Variants in SH3BP4 observed in about 807,000 individuals in gnomAD.
The protein encoded by SH3BP4 is SH3 domain binding protein 4.
Under a neutral mutation model 65.5 loss-of-function variants are expected in SH3BP4, and 33 were observed. The ratio of observed to expected loss-of-function variants is 0.50; its 90% confidence interval spans 0.38 to 0.67. The LOEUF is 0.67. Among genes scored for constraint, SH3BP4 ranks in the 30% least tolerant of loss-of-function variants. The pLI is 0.00. For synonymous variants in SH3BP4, 552 were observed against 545.5 expected (o/e 1.01, Z -0.17); for missense variants, 1,134 against 1,261.4 (o/e 0.90, Z 1.53).
At position 235,042,399 on chromosome 2, in the gene SH3BP4, A is replaced by G; in HGVS notation, c.1630A>G (p.Asn544Asp). ...GGATCTCAAGGTCTGTATGTTTTCC[A>G]ATATGACGAATTACGAGGTCAAAGC... is the stretch of plus-strand genomic sequence containing the variant. ...PQDLKVCMFS[N>D]MTNYEVKASE... Residue 544 changes from asparagine to aspartate, a missense_variant, in exon 4 of 6, where the codon AAT becomes GAT. Asn to Asp is a conservative substitution (Grantham distance 23). Transcript: ENST00000392011. The surrounding 1 kb of genome is among the most constrained non-coding windows in gnomAD (Gnocchi z 7.3). 1 of 1,614,114 alleles carries G rather than the reference A, an allele frequency of 6.2e-7. No homozygotes were observed. The highest frequency in any genetic ancestry group is 8.5e-7 in the Non-Finnish European group (1 of 1,180,022).
intron 1 of SH3BP4, among the ~76,000 whole-genome samples, chr2:234,986,387 A>C (rs1693560483): frequency 6.6e-6 from 1 of 152,210 alleles, no homozygotes. Flanking sequence ...AAACTCTTTC[A>C]AGACTCCGTC....
intron 4 of SH3BP4, among the ~76,000 whole-genome samples, chr2:235,049,518 G>A (rs890538779): frequency 1.3e-5 from 2 of 152,138 alleles, no homozygotes; most frequent in African/African-American, 4.8e-5. Flanking sequence ...GACCACAGAC[G>A]AGGCTGCCAC....
chr2:235,005,228 C>T (rs1348177311), intron 2 of SH3BP4, among the ~76,000 whole-genome samples: 5 of 152,196 alleles, frequency 3.3e-5, no homozygotes, highest in Admixed American at 2.0e-4. Flanking sequence ...GTCTGTCTGT[C>T]TGTCTGTCTG....
chr2:235,018,345 G>A (rs1456703496), intron 2 of SH3BP4, among the ~76,000 whole-genome samples: 2 of 152,084 alleles, frequency 1.3e-5, no homozygotes, highest in Admixed American at 1.3e-4. Context: ...TTAGTCTCGT[G>A]GGGTACGGGT....
chr2:235,012,967 C>T (rs1007684372), intron 2 of SH3BP4, among the ~76,000 whole-genome samples: 13 of 152,180 alleles, frequency 8.5e-5, no homozygotes, highest in African/African-American at 2.4e-4. Flanking sequence ...GGAGGCCGGA[C>T]GCCGAATGTG....
rs1375972519 is a variant in SH3BP4 at position 234,952,324 on chromosome 2, C to A, written c.-207+154C>A. Among the ~76,000 whole-genome samples the A allele has an allele frequency of 2.0e-5, 3 of 150,572 alleles. No homozygotes were observed. The highest frequency in any genetic ancestry group is 4.4e-5 in the Non-Finnish European group (3 of 67,458). On this transcript the variant is annotated intron_variant, in intron 1 of 5. Transcript: ENST00000392011. This position sits in a 1 kb window ranked among gnomAD's most constrained non-coding sequence, Gnocchi z 6.5. ...ACCGCCGCCTGAGTTCGGGGCTGCG[C>A]GGGTGCCTGGGCGTGGGGCGGCTTC...
At chr2:234,958,754 C>T (rs529932945) in intron 1 of SH3BP4, among the ~76,000 whole-genome samples, 1 of 152,064 alleles carries the variant, frequency 6.6e-6, no homozygotes, top group East Asian at 1.9e-4. Context: ...CTATCATGTG[C>T]GGAGGATTTA....
chr2:234,970,146 C>G (rs1423435912), intron 1 of SH3BP4, among the ~76,000 whole-genome samples: 1 of 152,132 alleles, frequency 6.6e-6, no homozygotes, highest in African/African-American at 2.4e-5. Flanking sequence ...CACTCTCACA[C>G]TCACTCACAC....
At chr2:234,971,023 C>A (rs535437183) in intron 1 of SH3BP4, among the ~76,000 whole-genome samples, 1 of 152,238 alleles carries the variant, frequency 6.6e-6, no homozygotes, top group South Asian at 2.1e-4. Flanking sequence ...TAAAAAAATT[C>A]TAAAATTGTG....
At chr2:234,959,129 G>T (rs907928156) in intron 1 of SH3BP4, among the ~76,000 whole-genome samples, 2 of 152,120 alleles carry the variant, frequency 1.3e-5, no homozygotes, top group Non-Finnish European at 2.9e-5. Context: ...AGGGCTGGCT[G>T]GGGGGCCCAT....
chr2:235,039,789 T>C (rs1638677692), intron 3 of SH3BP4, among the ~76,000 whole-genome samples: 1 of 152,228 alleles, frequency 6.6e-6, no homozygotes, highest in South Asian at 2.1e-4. Flanking sequence ...GCAGGAGCCA[T>C]GAATTAACTT....
At chr2:234,970,249 C>T (rs902151053) in intron 1 of SH3BP4, among the ~76,000 whole-genome samples, 1 of 152,162 alleles carries the variant, frequency 6.6e-6, no homozygotes, top group Non-Finnish European at 1.5e-5. Flanking sequence ...AAGGACTGGC[C>T]GGATGGAATC....
chr2:235,038,392 T>TATA (rs1559254786), intron 3 of SH3BP4, among the ~76,000 whole-genome samples: 1 of 20,612 alleles, frequency 4.9e-5, no homozygotes, highest in Non-Finnish European at 8.2e-5. Context: ...TATATATATA[T>TATA]ATATATATAT....
chr2:234,993,909 G>A (rs778206142), intron 1 of SH3BP4, among the ~76,000 whole-genome samples: 18 of 152,206 alleles, frequency 1.2e-4, no homozygotes, highest in Non-Finnish European at 2.5e-4. Flanking sequence ...CTGCAGTCCC[G>A]CCTGTCTCTT....
intron 1 of SH3BP4, among the ~76,000 whole-genome samples, chr2:234,988,498 G>A (rs1349305568): frequency 6.6e-6 from 1 of 152,304 alleles, no homozygotes; most frequent in South Asian, 2.1e-4. Context: ...TCCACAACAA[G>A]GACCCCAGCT....
chr2:235,026,234 C>T lies in SH3BP4; in HGVS notation c.-132-8637C>T, dbSNP rs1357169431. Among the ~76,000 whole-genome samples the T allele has an allele frequency of 5.3e-5, 8 of 152,204 alleles. No homozygotes were observed. The highest frequency in any genetic ancestry group is 1.0e-4 in the Non-Finnish European group (7 of 68,000). ...CCCTCCCCTCCTCTTCCTGACCTGT[C>T]GGGGGATCCCCAGCCTCAGATGTTC... On this transcript the variant is annotated intron_variant, in intron 2 of 5. Coordinates refer to ENST00000392011, the MANE Select transcript of SH3BP4 (RefSeq NM_014521.3). This position sits in a 1 kb window ranked among gnomAD's most constrained non-coding sequence, Gnocchi z 4.6.
intron 2 of SH3BP4, among the ~76,000 whole-genome samples, chr2:235,003,832 G>A (rs1694208113): frequency 6.6e-6 from 1 of 152,212 alleles, no homozygotes; most frequent in African/African-American, 2.4e-5. Flanking sequence ...CCCCACCCCT[G>A]TCCTCACCTC....
At chr2:235,004,817 T>C (rs954460546) in intron 2 of SH3BP4, among the ~76,000 whole-genome samples, 2 of 152,254 alleles carry the variant, frequency 1.3e-5, no homozygotes, top group South Asian at 4.1e-4. Context: ...CTGGCTGTTG[T>C]GACTGGTGCT....
At position 235,033,140 on chromosome 2, in the gene SH3BP4, C is replaced by T. The variant is rs1695259449; in HGVS notation, c.-132-1731C>T. Among the ~76,000 whole-genome samples the T allele has an allele frequency of 6.6e-6, 1 of 152,160 alleles. No homozygotes were observed. The highest frequency in any genetic ancestry group is 1.5e-5 in the Non-Finnish European group (1 of 68,018). ...CCCAGAGAGGTGGCCACCATGCCCT[C>T]CTCTCCTGCCGCCTGCTGCATTCAA... is the stretch of plus-strand genomic sequence containing the variant. On this transcript the variant is annotated intron_variant, in intron 2 of 5. Transcript: ENST00000392011. The surrounding 1 kb of genome is among the most constrained non-coding windows in gnomAD (Gnocchi z 5.7).
Sources: gnomAD v4.1 joint callset for allele counts (sites outside exome capture counted in the v4.1 genomes callset) on GRCh38, gnomAD v4.1.1 for gene constraint, Gnocchi (gnomAD v3.1) non-coding constraint, MANE v1.5 for transcripts, NCBI Gene and HGNC (gene_info 2026-07-23, HGNC 2026-07-21) for gene names.